The following SCIMP variants were observed in gnomAD, a reference collection of about 807,000 sequenced individuals.
SCIMP encodes the protein SLP adaptor and CSK interacting membrane protein.
SCIMP carries 18 observed loss-of-function variants against 22.0 expected under a neutral mutation model. The observed-to-expected ratio is 0.82, with a 90% CI of 0.56 to 1.21. SCIMP has a LOEUF of 1.21. SCIMP is among the 50% of genes most tolerant of loss of function. SCIMP has a pLI of 0.00. For synonymous variants in SCIMP, 53 were observed against 62.2 expected, an observed-to-expected ratio of 0.85 and a Z score of 0.70; for missense variants, 155 against 171.2, an observed-to-expected ratio of 0.91 and a Z score of 0.53.
chr17:5,232,950 G>A (rs1181556518), intron 1 of SCIMP, among the ~76,000 whole-genome samples: 1 of 152,050 alleles, frequency 6.6e-6, no homozygotes, highest in African/African-American at 2.4e-5. Flanking sequence ...GACCTCAAGT[G>A]ATCCACCTGC....
At chr17:5,232,424 G>GTAAACAGTGCAGTGTAAACAGTGCAGTA (rs2074709228) in intron 1 of SCIMP, among the ~76,000 whole-genome samples, 3 of 96,632 alleles carry the variant, frequency 3.1e-5, no homozygotes, top group Non-Finnish European at 4.1e-5. Context: ...ACAGTGCAGT[G>GTAAACAGTGCAGTGTAAACAGTGCAGTA]TAAACAGCGC....
intron 1 of SCIMP, among the ~76,000 whole-genome samples, chr17:5,225,715 T>C (rs922877873): frequency 2.6e-5 from 4 of 151,416 alleles, no homozygotes; most frequent in African/African-American, 9.7e-5. Flanking sequence ...TGAGCCGAGG[T>C]TGTGCCATTG....
In SCIMP at chr17:5,231,830, G is replaced by A. The variant is rs150850824; in HGVS notation, c.21+2905C>T. Among the ~76,000 whole-genome samples, 186 of 152,266 alleles carry A rather than the reference G, an allele frequency of 1.2e-3. 2 individuals carry two copies. In the East Asian group the frequency reaches 0.033, roughly 27 times the overall value. ...AGCACTTTGGGAGGCTGAGGCGGGC[G>A]GATCACGAGGTCAGGAGATCAAGAC... On this transcript the variant is annotated intron_variant, in intron 1 of 4. Transcript: ENST00000574081.
chr17:5,229,454 C>T (rs926479234), intron 1 of SCIMP, among the ~76,000 whole-genome samples: 18 of 127,550 alleles, frequency 1.4e-4, no homozygotes, highest in East Asian at 2.3e-4. Context: ...AGTGCAGTGG[C>T]GCGACCTTGG....
chr17:5,213,237 C>T lies in SCIMP; in HGVS notation c.283+1688G>A, dbSNP rs1011496274. 4.1e-6 allele frequency: 4 copies of T among 981,222 alleles called. No individual in the cohort carries two copies. In the African/African-American group the frequency reaches 5.4e-5, roughly 13 times the overall value. The allele number at this position is 981,222 out of a possible 1,614,324, so 60.8% of individuals were successfully genotyped here. ...ATTGGGTGCGTCGGTACTTATGCTG[C>T]CCCCTTTTTGCTTTTCCATCCCTTT... On this transcript the variant is annotated intron_variant, in intron 4 of 4. Coordinates refer to ENST00000574081, the MANE Select transcript of SCIMP (RefSeq NM_207103.3).
chr17:5,211,830 G>A (rs1468649508), intron 4 of SCIMP, among the ~76,000 whole-genome samples: 1 of 152,266 alleles, frequency 6.6e-6, no homozygotes, highest in African/African-American at 2.4e-5. Flanking sequence ...GGCTGAAGTG[G>A]GCAGATCACC....
At chr17:5,223,286 A>G in intron 2 of SCIMP, 47 bp downstream of exon 2, 1 of 1,607,710 alleles carries the variant, frequency 6.2e-7, no homozygotes, top group African/African-American at 1.3e-5. Flanking sequence ...CTGCACCGAT[A>G]ACCACCTGGC....
intron 1 of SCIMP, among the ~76,000 whole-genome samples, chr17:5,225,933 G>T (rs2074645102): frequency 6.6e-6 from 1 of 152,136 alleles, no homozygotes; most frequent in East Asian, 1.9e-4. Context: ...GGTCTATAGT[G>T]CTGGCATTGA....
At chr17:5,219,653 T>C (rs191161630) in intron 3 of SCIMP, among the ~76,000 whole-genome samples, 1 of 152,098 alleles carries the variant, frequency 6.6e-6, no homozygotes, top group African/African-American at 2.4e-5. Context: ...AAGAGTGTCT[T>C]TGTATATCTG....
chr17:5,232,197 G>T (rs1015437661), intron 1 of SCIMP, among the ~76,000 whole-genome samples: 2 of 152,254 alleles, frequency 1.3e-5, no homozygotes, highest in Non-Finnish European at 2.9e-5. Context: ...GAGCAGCGCC[G>T]TGTTATGTTC....
intron 1 of SCIMP, among the ~76,000 whole-genome samples, chr17:5,231,430 C>T (rs1025801332): frequency 1.3e-5 from 2 of 151,940 alleles, no homozygotes; most frequent in Non-Finnish European, 2.9e-5. Flanking sequence ...CCAGTTCAAG[C>T]CACTTATGAC....
intron 2 of SCIMP, 40 bp from the exon 3 acceptor site, chr17:5,221,390 A>C (rs1347756170): frequency 2.0e-6 from 3 of 1,494,790 alleles, no homozygotes. Flanking sequence ...AAGAATTAGC[A>C]AAAGTTGTGA....
At chr17:5,227,093 G>T (rs1351072813) in intron 1 of SCIMP, among the ~76,000 whole-genome samples, 1 of 152,038 alleles carries the variant, frequency 6.6e-6, no homozygotes, top group African/African-American at 2.4e-5. Context: ...GCCACAGAGG[G>T]CCGATAAGAT....
intron 3 of SCIMP, among the ~76,000 whole-genome samples, chr17:5,216,433 C>G (rs1217517667): frequency 3.9e-5 from 6 of 152,060 alleles, no homozygotes; most frequent in Admixed American, 3.9e-4. Flanking sequence ...TTTGGGAGGC[C>G]AAGGCAGGCA....
chr17:5,210,557 A>G lies in SCIMP; in HGVS notation c.*244T>C. 2.4e-6 allele frequency: 1 copy of G among 408,666 alleles called. No homozygotes were observed. The highest frequency in any genetic ancestry group is 5.2e-5 in the South Asian group (1 of 19,362). 25.3% of individuals were successfully genotyped at this position (408,666 alleles called of 1,614,324 possible). A position where few individuals can be genotyped will look rare whatever the true frequency, so the allele number is the denominator to read the frequency against. ...CCTTCCCATGGAAAGTTTCCTCAAC[A>G]GCACAAGGCTGACCCCTCTAAGTCC... On this transcript the variant is annotated 3_prime_UTR_variant, in exon 5 of 5. Coordinates refer to ENST00000574081, the MANE Select transcript of SCIMP (RefSeq NM_207103.3).
chr17:5,214,416 C>A (rs1217152769), intron 4 of SCIMP: 1 of 153,058 alleles, frequency 6.5e-6, no homozygotes, highest in Non-Finnish European at 1.5e-5. Flanking sequence ...ATTAGCCAGG[C>A]GTGGTGGTGG....
Position 5,234,761 on chromosome 17 carries a change from A to C in SCIMP, c.-6T>G. The C allele has an allele frequency of 6.2e-7, 1 of 1,610,486 alleles. No homozygotes were observed. The highest frequency in any genetic ancestry group is 8.5e-7 in the Non-Finnish European group (1 of 1,178,604). ...TGAACTGTGAAAGTATCCATATGTGAGCAGCTAAGGAGACAGCAGTGGCTG... is the reference window on the plus strand; with the variant it reads ...TGAACTGTGAAAGTATCCATATGTGCGCAGCTAAGGAGACAGCAGTGGCTG... On this transcript the variant is annotated 5_prime_UTR_variant, in exon 1 of 5. Transcript: ENST00000574081.
At chr17:5,231,851 A>G (rs557392223) in intron 1 of SCIMP, among the ~76,000 whole-genome samples, 308 of 152,232 alleles carry the variant, frequency 2.0e-3, no homozygotes, top group Non-Finnish European at 2.7e-3. Flanking sequence ...TCAGGAGATC[A>G]AGACCATCCT....
intron 4 of SCIMP, among the ~76,000 whole-genome samples, chr17:5,212,356 C>T (rs563525510): frequency 1.3e-5 from 2 of 151,210 alleles, no homozygotes; most frequent in African/African-American, 4.9e-5. Flanking sequence ...TGGCTTGGGC[C>T]GGGCGCGGTG....
Sources: gnomAD v4.1 joint callset for allele counts (sites outside exome capture counted in the v4.1 genomes callset) on GRCh38, gnomAD v4.1.1 for gene constraint, MANE v1.5 for transcripts, NCBI Gene and HGNC (gene_info 2026-07-23, HGNC 2026-07-21) for gene names.